DNAH3: variants seen among roughly 807,000 people sequenced by gnomAD.
DNAH3 encodes axonemal beta dynein heavy chain 3.
DNAH3 carries 332 observed loss-of-function variants against 432.5 expected under a neutral mutation model. The observed-to-expected ratio is 0.77, with a 90% CI of 0.70 to 0.84. The LOEUF is 0.84. Among genes scored for constraint, DNAH3 ranks in the 40% least tolerant of loss-of-function variants. DNAH3 has a pLI of 0.00. For missense variants in DNAH3, 4,861 were observed against 5,114.0 expected (o/e 0.95, Z 1.51); for synonymous variants, 1,956 against 1,900.2 (o/e 1.03, Z -0.76).
exon 48 of DNAH3, chr16:20,985,205 C>G: frequency 1.9e-6 from 3 of 1,614,208 alleles, no homozygotes; most frequent in Non-Finnish European, 2.5e-6. Flanking sequence ...TTAGGCACGT[C>G]ACCTGTGTTC....
At chr16:21,020,929 C>T (rs1280588162) in intron 40 of DNAH3, among the ~76,000 whole-genome samples, 4 of 152,120 alleles carry the variant, frequency 2.6e-5, no homozygotes, top group Non-Finnish European at 5.9e-5. Flanking sequence ...CCAGAACTCT[C>T]CGTTCTGTCT....
chr16:21,158,890 G>A (rs1423889545), intron 1 of DNAH3: 1 of 174,294 alleles, frequency 5.7e-6, no homozygotes, highest in Non-Finnish European at 1.2e-5. Context: ...CTGCCCCGGG[G>A]TTAGTGTAAG....
At chr16:20,964,906 G>A in exon 53 of DNAH3, 1 of 1,614,232 alleles carries the variant, frequency 6.2e-7, no homozygotes, top group Non-Finnish European at 8.5e-7. Context: ...AGTCAGATTA[G>A]TATAGCGGAT....
chr16:21,019,239 C>T (rs528142917), intron 41 of DNAH3: 281 of 209,748 alleles, frequency 1.3e-3, no homozygotes, highest in Non-Finnish European at 1.9e-3. Context: ...TCACTGCAAC[C>T]TCTACCTCCC....
chr16:20,941,253 T>A, intron 59 of DNAH3, 148 bp downstream of exon 59: 1 of 806,186 alleles, frequency 1.2e-6, no homozygotes, highest in Non-Finnish European at 2.0e-6. Context: ...GTGCTGGGGA[T>A]GGTCCTATTC....
chr16:20,970,579 G>A (rs760806041), intron 51 of DNAH3, among the ~76,000 whole-genome samples: 7 of 152,148 alleles, frequency 4.6e-5, no homozygotes, highest in Non-Finnish European at 1.0e-4. Context: ...TACCACATTT[G>A]TTTCTATGCT....
In DNAH3 at chr16:21,152,149, G is replaced by A. The variant is rs574473157; in HGVS notation, c.118-6061C>T. ...CTTGGGGGGCTGAGGCAGGAGAATC[G>A]CTTGAACCTGGGAGGGAGGTTGCAG... On this transcript the variant is annotated intron_variant, in intron 1 of 61. Coordinates refer to ENST00000261383, the Ensembl canonical transcript of DNAH3. Among the ~76,000 whole-genome samples, 53 of 152,118 alleles carry A rather than the reference G, an allele frequency of 3.5e-4. 1 individual carries two copies. The highest frequency in any genetic ancestry group is 1.2e-3 in the African/African-American group (48 of 41,498).
At chr16:20,979,253 C>T (rs1001674882) in intron 50 of DNAH3, 77 bp downstream of exon 50, 65 of 1,395,792 alleles carry the variant, frequency 4.7e-5, no homozygotes, top group Non-Finnish European at 5.7e-5. Context: ...CTCTTAATTC[C>T]GCACCTGAAC....
chr16:21,100,844 T>C (rs2091819551), intron 16 of DNAH3, among the ~76,000 whole-genome samples: 1 of 152,204 alleles, frequency 6.6e-6, no homozygotes, highest in Non-Finnish European at 1.5e-5. Flanking sequence ...TATACTCACA[T>C]AGAAATCTCT....
chr16:21,029,549 C>CTAAA, intron 37 of DNAH3, among the ~76,000 whole-genome samples: 1 of 152,324 alleles, frequency 6.6e-6, no homozygotes, highest in African/African-American at 2.4e-5. Flanking sequence ...CATCAAGAGA[C>CTAAA]TAAATAGCTT....
chr16:20,974,558 T>TA (rs2085487439), intron 51 of DNAH3, among the ~76,000 whole-genome samples: 2 of 146,518 alleles, frequency 1.4e-5, no homozygotes. Context: ...GGTGTGCCAC[T>TA]ACACCTGGCT....
intron 36 of DNAH3, 69 bp from the exon 37 acceptor site, chr16:21,031,355 G>T: frequency 6.4e-7 from 1 of 1,565,862 alleles, no homozygotes; most frequent in Non-Finnish European, 8.7e-7. Context: ...AAGAGATGAT[G>T]TCATCTCAAC....
intron 31 of DNAH3, among the ~76,000 whole-genome samples, chr16:21,047,934 C>A (rs539304344): frequency 5.2e-4 from 79 of 151,736 alleles, no homozygotes; most frequent in African/African-American, 1.9e-3. Flanking sequence ...AGTACCCTGC[C>A]GTGTGAGGTG....
intron 44 of DNAH3, among the ~76,000 whole-genome samples, chr16:20,988,963 G>A (rs188958403): frequency 1.5e-3 from 230 of 152,242 alleles, no homozygotes; most frequent in Middle Eastern, 0.01. Flanking sequence ...TCGTGGTCTC[G>A]CTGGCTTCAA....
exon 56 of DNAH3, chr16:20,952,549 C>T (rs1217345454): frequency 5.7e-6 from 9 of 1,588,486 alleles, no homozygotes; most frequent in Non-Finnish European, 6.0e-6. Flanking sequence ...AATATTCCAC[C>T]CTGCGTGTGG....
At chr16:21,153,712 G>GAACATC (rs2092878827) in intron 1 of DNAH3, among the ~76,000 whole-genome samples, 2 of 151,908 alleles carry the variant, frequency 1.3e-5, no homozygotes, top group African/African-American at 4.8e-5. Flanking sequence ...GAACACATCC[G>GAACATC]AGCATCAGAA....
intron 20 of DNAH3, among the ~76,000 whole-genome samples, chr16:21,081,119 A>G (rs769867125): frequency 1.3e-5 from 2 of 152,002 alleles, no homozygotes; most frequent in East Asian, 3.9e-4. Flanking sequence ...GGGTTTCACT[A>G]TGTTGGCCAG....
intron 29 of DNAH3, 107 bp downstream of exon 29, chr16:21,051,563 G>C (rs2089954460): frequency 9.1e-7 from 1 of 1,104,680 alleles, no homozygotes. Context: ...ATAATCTGAA[G>C]TGTGAAGGGT....
chr16:21,086,979 G>C (rs775103185), exon 19 of DNAH3: 1 of 1,614,176 alleles, frequency 6.2e-7, no homozygotes, highest in East Asian at 2.2e-5. Context: ...ATCAGACAAG[G>C]TCTTGATCAG....
Sources: allele counts gnomAD v4.1 joint callset (sites outside exome capture counted in the v4.1 genomes callset), GRCh38; gene constraint gnomAD v4.1.1; transcripts MANE v1.5; gene names NCBI Gene and HGNC (gene_info 2026-07-23, HGNC 2026-07-21).